Variants in SCN1A observed in about 807,000 individuals in gnomAD.
The protein encoded by SCN1A is sodium channel protein type 1 subunit alpha.
A neutral mutation model predicts 193.7 loss-of-function variants in SCN1A; 13 were observed. That is an observed-to-expected ratio of 0.07 (90% CI 0.04 to 0.11). The LOEUF (loss-of-function observed/expected upper bound fraction) is 0.11. Among genes scored for constraint, SCN1A ranks in the 10% least tolerant of loss-of-function variants. The probability of loss-of-function intolerance (pLI) is 1.00; values close to 1 mark genes in which losing one functional copy is unlikely to be tolerated. For missense variants in SCN1A, 1,432 were observed against 2,451.1 expected, an observed-to-expected ratio of 0.58 and a Z score of 8.78; for synonymous variants, 781 against 843.6, an observed-to-expected ratio of 0.93 and a Z score of 1.29.
Position 165,994,331 on chromosome 2 carries a change from A to G in SCN1A, c.4667T>C (p.Val1556Ala). 1.2e-6 allele frequency: 2 copies of G among 1,613,114 alleles called. No individual in the cohort carries two copies. Among genetic ancestry groups the G allele is most frequent in the Middle Eastern group, 1.7e-4 (1 of 6,050 alleles). Residue 1556 changes from valine (V) to alanine (A), a missense_variant, in exon 28 of 29, where the codon GTC becomes GCC. By Grantham distance (64) the Val-to-Ala change is moderately conservative. Coordinates refer to ENST00000674923, the MANE Select transcript of SCN1A (RefSeq NM_001165963.4). ...SIMILICLNM[V>A]TMMVETDDQS... ...GTCATCTGTTTCCACCATCATTGTG[A>G]CCATGTTAAGACAGATGAGAATCAT...
At chr2:166,093,193 A>AG (rs1361157916) in intron 2 of SCN1A, among the ~76,000 whole-genome samples, 3 of 151,884 alleles carry the variant, frequency 2.0e-5, no homozygotes, top group Admixed American at 6.6e-5. Flanking sequence ...CGGCCAAAGC[A>AG]GAAAAAAAAA....
At chr2:165,984,902 A>G (rs959860511), downstream of SCN1A, 3 of 152,140 alleles carry the variant, frequency 2.0e-5, no homozygotes, top group Non-Finnish European at 4.4e-5. Flanking sequence ...TTGAAAACCC[A>G]AAGTGTTTAT....
Position 165,992,422 on chromosome 2 carries a change from C to T in SCN1A, c.4853G>A (p.Gly1618Asp). The T allele has an allele frequency of 6.2e-7, 1 of 1,613,212 alleles. No individual in the cohort carries two copies. Among genetic ancestry groups the T allele is most frequent in the Non-Finnish European group, 8.5e-7 (1 of 1,179,580 alleles). Residue 1618 changes from glycine to aspartate, a missense_variant and splice_region_variant, in exon 29 of 29, where the codon GGT becomes GAT. Physicochemically the swap from Gly to Asp is moderately conservative, Grantham distance 94. This residue lies in a region of SCN1A where 85 missense variants were observed against 213.2 expected (regional missense o/e 0.40). Coordinates refer to ENST00000674923, the MANE Select transcript of SCN1A (RefSeq NM_001165963.4). The surrounding 1 kb of genome is among the most constrained non-coding windows in gnomAD (Gnocchi z 6.5). ...TTCTATCAGCTCGGCAAGAAACATA[C>T]CTATGAATAAACAATGAGAATACCA... ...DFVVVILSIV[G>D]MFLAELIEKY...
intron 19 of SCN1A, among the ~76,000 whole-genome samples, chr2:166,028,877 A>G (rs13383881): frequency 0.17 from 25,514 of 152,092 alleles, 2,403 homozygotes; most frequent in East Asian, 0.27. Flanking sequence ...CACACACTCT[A>G]ATAGGAGTAG....
intron 5 of SCN1A, among the ~76,000 whole-genome samples, chr2:166,057,501 T>G (rs1699249745): frequency 6.6e-6 from 1 of 152,008 alleles, no homozygotes; most frequent in African/African-American, 2.4e-5. Context: ...CTTTCCACTA[T>G]AGTTTACTGC....
At chr2:166,147,547 A>G (rs6746010) in intron 1 of SCN1A, among the ~76,000 whole-genome samples, 1 of 152,000 alleles carries the variant, frequency 6.6e-6, no homozygotes, top group Non-Finnish European at 1.5e-5. Flanking sequence ...CTCAAAGATT[A>G]TAAGTACAAT....
chr2:166,043,720 A>C lies in SCN1A; in HGVS notation c.1992T>G (p.Val664=). The change falls in exon 14 of 29, where the codon GTT becomes GTG. Residue 664 remains valine, a synonymous_variant. Transcript: ENST00000674923. ...VGGPSVPTSP[V]GQLLPEVIID... is the part of the protein sequence containing the mutation. ...TTATCACCTCTGGCAGAAGCTGTCC[A>C]ACAGGCGATGTAGGAACTGAAGGTC... 6.2e-7 allele frequency: 1 copy of C among 1,614,164 alleles called. No individual in the cohort carries two copies. The highest frequency in any genetic ancestry group is 1.1e-5 in the South Asian group (1 of 91,086).
intron 4 of SCN1A, among the ~76,000 whole-genome samples, chr2:166,072,318 T>G (rs1296435733): frequency 6.6e-6 from 1 of 152,172 alleles, no homozygotes; most frequent in Non-Finnish European, 1.5e-5. Flanking sequence ...TAAAAAAAAT[T>G]TTATGCTTTT....
At chr2:166,054,551 A>C in intron 7 of SCN1A, 87 bp downstream of exon 7, 2 of 1,371,664 alleles carry the variant, frequency 1.5e-6, no homozygotes, top group Non-Finnish European at 2.1e-6. Flanking sequence ...AATATTCTAC[A>C]GGTAAAGCAA....
At chr2:166,116,115 T>C (rs1689832100) in intron 2 of SCN1A, among the ~76,000 whole-genome samples, 1 of 152,202 alleles carries the variant, frequency 6.6e-6, no homozygotes, top group South Asian at 2.1e-4. Flanking sequence ...AAGCCAGCCA[T>C]GCTGAATAAC....
At chr2:166,052,423 T>TAA (rs1299424496) in intron 8 of SCN1A, among the ~76,000 whole-genome samples, 1 of 152,022 alleles carries the variant, frequency 6.6e-6, no homozygotes, top group Non-Finnish European at 1.5e-5. Context: ...AGTATAATTG[T>TAA]GCCTTAAGAT....
chr2:166,097,232 G>T (rs115097544), intron 2 of SCN1A, among the ~76,000 whole-genome samples: 2,229 of 152,188 alleles, frequency 0.015, 58 homozygotes, highest in African/African-American at 0.049. Context: ...ATGTCACCCA[G>T]GCTGGTCTTG....
At chr2:166,073,157 G>A (rs920279955) in intron 4 of SCN1A, 1 of 624,798 alleles carries the variant, frequency 1.6e-6, no homozygotes. Context: ...TTGTCATGGT[G>A]CATTTGGGAC....
Position 166,122,625 on chromosome 2 carries a change from G to A in SCN1A, c.-142+4299C>T, listed in dbSNP as rs142654990. Among the ~76,000 whole-genome samples the A allele has an allele frequency of 1.6e-3, 249 of 152,112 alleles. 6 individuals carry two copies. The East Asian group carries it at 0.042, about 26-fold the overall frequency. ...AATGTTAATAAGACAATTCACCGGG[G>A]AAAGAATTGTCTTTTCAACACGTGG... is the stretch of plus-strand genomic sequence containing the variant. On this transcript the variant is annotated intron_variant, in intron 2 of 28. Transcript: ENST00000674923.
intron 19 of SCN1A, among the ~76,000 whole-genome samples, chr2:166,034,808 A>C (rs761660366): frequency 6.6e-6 from 1 of 152,172 alleles, no homozygotes; most frequent in African/African-American, 2.4e-5. Flanking sequence ...TATAAGAAGA[A>C]GAATAGACAC....
At chr2:166,046,716 T>C in intron 12 of SCN1A, 54 bp downstream of exon 12, 1 of 1,563,466 alleles carries the variant, frequency 6.4e-7, no homozygotes, top group East Asian at 2.2e-5. Context: ...TCTTCAATAT[T>C]ACGTAACAAT....
At chr2:166,080,474 G>T (rs1390281230) in intron 2 of SCN1A, among the ~76,000 whole-genome samples, 1 of 151,750 alleles carries the variant, frequency 6.6e-6, no homozygotes, top group Non-Finnish European at 1.5e-5. Context: ...GTAACAAAGT[G>T]CATGTTAGCA....
At chr2:166,118,339 G>A (rs1415103090) in intron 2 of SCN1A, among the ~76,000 whole-genome samples, 1 of 72,192 alleles carries the variant, frequency 1.4e-5, no homozygotes, top group Admixed American at 2.0e-4. Context: ...TTGAGAAAGC[G>A]TCTCACTCTC....
At chr2:166,099,414 G>T (rs1428971362) in intron 2 of SCN1A, among the ~76,000 whole-genome samples, 15 of 150,740 alleles carry the variant, frequency 1.0e-4, no homozygotes, top group Middle Eastern at 3.4e-3. Context: ...CATACTGAAT[G>T]GGCAAAAACT....
Sources: allele counts gnomAD v4.1 joint callset (sites outside exome capture counted in the v4.1 genomes callset), GRCh38; gene constraint gnomAD v4.1.1; regional missense constraint gnomAD v4.1.1; non-coding constraint Gnocchi (gnomAD v3.1); transcripts MANE v1.5; gene names NCBI Gene and HGNC (gene_info 2026-07-23, HGNC 2026-07-21).